Variants in LRRC4C observed in about 807,000 individuals in gnomAD.
LRRC4C encodes the protein leucine-rich repeat-containing protein 4C.
A neutral mutation model predicts 33.6 loss-of-function variants in LRRC4C; 5 were observed. The ratio of observed to expected loss-of-function variants is 0.15; its 90% CI spans 0.08 to 0.31. The LOEUF is 0.31. Among genes scored for constraint, LRRC4C ranks in the 10% least tolerant of loss-of-function variants. The probability of loss-of-function intolerance (pLI) is 1.00; values close to 1 mark genes in which losing one functional copy is unlikely to be tolerated. For missense variants in LRRC4C, 560 were observed against 796.7 expected (o/e 0.70, Z 3.58); for synonymous variants, 329 against 302.0 (o/e 1.09, Z -0.93).
intron 1 of LRRC4C, among the ~76,000 whole-genome samples, chr11:40,985,171 T>C (rs1355078338): frequency 6.6e-6 from 1 of 152,054 alleles, no homozygotes; most frequent in African/African-American, 2.4e-5. Flanking sequence ...TAGTTTAGCA[T>C]GAAAACAGTA....
At chr11:40,480,012 T>G (rs1953463457) in intron 3 of LRRC4C, among the ~76,000 whole-genome samples, 1 of 152,166 alleles carries the variant, frequency 6.6e-6, no homozygotes, top group Admixed American at 6.5e-5. Context: ...TTGGTTTTCC[T>G]TGAAGAGAGT....
chr11:40,801,396 A>G (rs1951035717), intron 2 of LRRC4C, among the ~76,000 whole-genome samples: 1 of 152,170 alleles, frequency 6.6e-6, no homozygotes, highest in Non-Finnish European at 1.5e-5. Flanking sequence ...AGGAGGACCT[A>G]CATCATTCTC....
intron 1 of LRRC4C, among the ~76,000 whole-genome samples, chr11:41,279,227 G>T (rs1212351388): frequency 3.3e-5 from 5 of 152,206 alleles, no homozygotes; most frequent in African/African-American, 1.2e-4. Flanking sequence ...CATCTAGGTT[G>T]ATTCCATGTG....
chr11:40,229,607 G>C (rs558433429), intron 5 of LRRC4C, among the ~76,000 whole-genome samples: 1 of 152,018 alleles, frequency 6.6e-6, no homozygotes, highest in Non-Finnish European at 1.5e-5. Flanking sequence ...CCACATATTT[G>C]TCAGGATATC....
At chr11:40,423,129 T>C (rs1437339212) in intron 3 of LRRC4C, among the ~76,000 whole-genome samples, 1 of 152,110 alleles carries the variant, frequency 6.6e-6, no homozygotes, top group Non-Finnish European at 1.5e-5. Context: ...ACTTCAAGTC[T>C]ATTATGATGT....
At chr11:41,407,169 CTT>C (rs1260033458) in intron 1 of LRRC4C, among the ~76,000 whole-genome samples, 1 of 152,174 alleles carries the variant, frequency 6.6e-6, no homozygotes, top group East Asian at 1.9e-4. Flanking sequence ...GCTAGGTACT[CTT>C]ATTGCTATTT....
chr11:40,734,938 G>C (rs989533529), intron 2 of LRRC4C, among the ~76,000 whole-genome samples: 1 of 151,964 alleles, frequency 6.6e-6, no homozygotes, highest in Admixed American at 6.6e-5. Flanking sequence ...CACCCAATCA[G>C]CTAGGGGCCC....
intron 3 of LRRC4C, among the ~76,000 whole-genome samples, chr11:40,390,747 A>C (rs1337896890): frequency 6.6e-6 from 1 of 152,220 alleles, no homozygotes; most frequent in African/African-American, 2.4e-5. Context: ...CTTTGAGTTC[A>C]TGATGGTAGT....
chr11:41,169,425 C>T (rs116524392), intron 1 of LRRC4C, among the ~76,000 whole-genome samples: 1,965 of 152,178 alleles, frequency 0.013, 53 homozygotes, highest in African/African-American at 0.044. Flanking sequence ...TTGTTGTATG[C>T]CCCAATCACT....
chr11:40,747,264 G>T (rs1358192859), intron 2 of LRRC4C, among the ~76,000 whole-genome samples: 7 of 152,152 alleles, frequency 4.6e-5, no homozygotes, highest in Non-Finnish European at 7.3e-5. Flanking sequence ...ACTCATAAGT[G>T]CATGCTAAGC....
chr11:41,233,530 C>T (rs1219635991), intron 1 of LRRC4C, among the ~76,000 whole-genome samples: 3 of 151,910 alleles, frequency 2.0e-5, no homozygotes, highest in African/African-American at 7.2e-5. Context: ...GTATAAACTG[C>T]ATCACATAAA....
At chr11:40,299,387 C>A (rs540566451) in intron 4 of LRRC4C, among the ~76,000 whole-genome samples, 1 of 152,276 alleles carries the variant, frequency 6.6e-6, no homozygotes, top group East Asian at 1.9e-4. Context: ...TGGACTCTGC[C>A]ACTCACCTTT....
At chr11:41,278,983 T>A (rs1224276615) in intron 1 of LRRC4C, among the ~76,000 whole-genome samples, 1 of 152,090 alleles carries the variant, frequency 6.6e-6, no homozygotes, top group African/African-American at 2.4e-5. Context: ...CCCTCTCCCA[T>A]CCTCCCTGTT....
intron 2 of LRRC4C, among the ~76,000 whole-genome samples, chr11:40,699,723 G>A (rs1047103097): frequency 7.2e-5 from 11 of 152,198 alleles, no homozygotes; most frequent in South Asian, 6.2e-4. Context: ...TTACATACAC[G>A]TTTCCCTAAG....
chr11:40,398,819 C>G (rs1289965666), intron 3 of LRRC4C, among the ~76,000 whole-genome samples: 1 of 151,952 alleles, frequency 6.6e-6, no homozygotes, highest in Admixed American at 6.6e-5. Context: ...TTTTAAATGG[C>G]CTACTAATAA....
At chr11:41,011,943 G>A (rs1017467258) in intron 1 of LRRC4C, among the ~76,000 whole-genome samples, 1 of 143,508 alleles carries the variant, frequency 7.0e-6, no homozygotes, top group African/African-American at 2.5e-5. Context: ...TGCCTCCTGG[G>A]TTTTTTTTTT....
intron 1 of LRRC4C, among the ~76,000 whole-genome samples, chr11:41,048,102 C>A (rs796536069): frequency 2.5e-4 from 38 of 152,104 alleles, no homozygotes; most frequent in African/African-American, 8.7e-4. Flanking sequence ...CTTTTTTTAC[C>A]TTTTCTTTTT....
At position 40,304,321 on chromosome 11, in the gene LRRC4C, G is replaced by C. The variant is rs370166922; in HGVS notation, c.-176+15307C>G. On this transcript the variant is annotated intron_variant, in intron 4 of 6. Transcript: ENST00000528697. ...ATGCCACCGGATTTCAAATGAAAATGATGTGAATTAATTTCCTGGGAAGAA... is the reference window on the plus strand; with the variant it reads ...ATGCCACCGGATTTCAAATGAAAATCATGTGAATTAATTTCCTGGGAAGAA... Among the ~76,000 whole-genome samples, 28 of 152,276 alleles carry C rather than the reference G, an allele frequency of 1.8e-4. No individual in the cohort carries two copies. In the East Asian group the frequency reaches 4.2e-3, roughly 23 times the overall value.
chr11:40,745,718 T>C (rs1223949549), intron 2 of LRRC4C, among the ~76,000 whole-genome samples: 1 of 152,182 alleles, frequency 6.6e-6, no homozygotes, highest in East Asian at 1.9e-4. Flanking sequence ...TTATTATATA[T>C]AATTTGGCTA....
Sources: allele counts gnomAD v4.1 joint callset (sites outside exome capture counted in the v4.1 genomes callset), GRCh38; gene constraint gnomAD v4.1.1; transcripts MANE v1.5; gene names NCBI Gene and HGNC (gene_info 2026-07-23, HGNC 2026-07-21).